The following SPIRE1 variants were observed in gnomAD, a reference collection of about 807,000 sequenced individuals.
The protein encoded by SPIRE1 is spire type actin nucleation factor 1, also known as protein spire homolog 1.
In SPIRE1, 40 loss-of-function variants were observed where a neutral mutation model predicts 94.1. The observed-to-expected ratio is 0.43, with a 90% CI of 0.33 to 0.55. The LOEUF (loss-of-function observed/expected upper bound fraction) is 0.55. Ranked by LOEUF, SPIRE1 falls within the 20% of genes least tolerant of loss-of-function variation. The pLI, the probability that SPIRE1 is intolerant of heterozygous loss-of-function variation, is 0.06. For missense variants in SPIRE1, 838 were observed against 975.2 expected, an observed-to-expected ratio of 0.86 and a Z score of 1.87; for synonymous variants, 376 against 371.7, an observed-to-expected ratio of 1.01 and a Z score of -0.13.
intron 2 of SPIRE1, among the ~76,000 whole-genome samples, chr18:12,582,277 G>A (rs886706541): frequency 2.6e-5 from 4 of 152,144 alleles, no homozygotes; most frequent in African/African-American, 2.4e-5. Flanking sequence ...TGAAAAGGCA[G>A]AGAGGCATGC....
chr18:12,657,713 G>A lies in SPIRE1; in HGVS notation c.154C>T (p.Pro52Ser), dbSNP rs1058321. The change falls in exon 1 of 17, where the codon CCC becomes TCC. Residue 52 changes from proline (P) to serine (S), a missense_variant. By Grantham distance (74) the Pro-to-Ser change is moderately conservative (BLOSUM62 -1). Around this residue, in one of 2 missense-constraint regions of SPIRE1, gnomAD observed 193 missense variants for 170.5 expected, o/e 1.13. Coordinates refer to ENST00000409402, the MANE Select transcript of SPIRE1 (RefSeq NM_001128626.2). ...GCCCACGCCTGCTCCTCGTTGATGGGCTGGTTGTACAGCCGCAGGATCTCC... is the reference window on the plus strand; with the variant it reads ...GCCCACGCCTGCTCCTCGTTGATGGACTGGTTGTACAGCCGCAGGATCTCC... ...LEEILRLYNQ[P>S]INEEQAWAVC... The A allele has an allele frequency of 2.1e-6, 3 of 1,406,198 alleles. No individual in the cohort carries two copies. The highest frequency in any genetic ancestry group is 2.5e-5 in the Admixed American group (1 of 39,244). The allele number at this position is 1,406,198 out of a possible 1,614,324, so 87.1% of individuals were successfully genotyped here.
At chr18:12,460,029 A>G in intron 12 of SPIRE1, 1 of 491,820 alleles carries the variant, frequency 2.0e-6, no homozygotes, top group Non-Finnish European at 2.6e-6. Flanking sequence ...ACAGATCACA[A>G]AAGGAAAACA....
intron 2 of SPIRE1, among the ~76,000 whole-genome samples, chr18:12,623,448 T>C (rs748626815): frequency 2.6e-5 from 4 of 152,008 alleles, no homozygotes; most frequent in Admixed American, 2.0e-4. Flanking sequence ...CCACTGCGCC[T>C]GGCCAACATC....
rs181845046 is a variant in SPIRE1, at chr18:12,641,917, C to T, written c.338-6821G>A. 3.4e-4 allele frequency among the ~76,000 whole-genome samples: 51 copies of T among 150,132 alleles called. No homozygotes were observed. The East Asian group carries it at 9.7e-3, about 28-fold the overall frequency. On this transcript the variant is annotated intron_variant, in intron 1 of 16. Transcript: ENST00000409402. Reference sequence around the variant, plus strand: ...CATGATCTTGGCTCACTACAGCCTCCGCCTCCCAGGTTCAAGCAATTCTCC... The same window carrying T: ...CATGATCTTGGCTCACTACAGCCTCTGCCTCCCAGGTTCAAGCAATTCTCC...
intron 10 of SPIRE1, among the ~76,000 whole-genome samples, chr18:12,476,563 AAATATAT>A (rs2032597095): frequency 3.1e-5 from 2 of 64,756 alleles, no homozygotes; most frequent in South Asian, 5.6e-4. Context: ...AAAAAAAAAA[AAATATAT>A]ATATATATAT....
chr18:12,480,813 T>TA (rs952111579), intron 9 of SPIRE1, among the ~76,000 whole-genome samples: 5 of 152,144 alleles, frequency 3.3e-5, no homozygotes, highest in African/African-American at 1.2e-4. Context: ...AATGAAGAGT[T>TA]AAAAATGGGC....
At chr18:12,471,373 C>A (rs896296253) in intron 10 of SPIRE1, among the ~76,000 whole-genome samples, 6 of 151,052 alleles carry the variant, frequency 4.0e-5, no homozygotes, top group Non-Finnish European at 5.9e-5. Context: ...TAAAAAAATA[C>A]TGGTTTCTTT....
At chr18:12,647,508 T>G (rs2038258108) in intron 1 of SPIRE1, among the ~76,000 whole-genome samples, 1 of 152,030 alleles carries the variant, frequency 6.6e-6, no homozygotes, top group Admixed American at 6.6e-5. Flanking sequence ...CCCACCACTG[T>G]GGGAAGCTGA....
rs76302695 is a variant in SPIRE1 at position 12,547,020 on chromosome 18, C to T, written c.373-116G>A. The T allele has an allele frequency of 2.6e-3, 1,650 of 625,284 alleles. 18 individuals are homozygous for T. The African/African-American group carries it at 0.027, about 10-fold the overall frequency. 38.7% of individuals were successfully genotyped at this position (625,284 alleles called of 1,614,324 possible). On this transcript the variant is annotated intron_variant, in intron 2 of 16. Coordinates refer to ENST00000409402, the MANE Select transcript of SPIRE1 (RefSeq NM_001128626.2). ...CCCTCAAACCAACATACAACACATA[C>T]ACAAACCCTTTTTATATTCTCTTAG... is the stretch of plus-strand genomic sequence containing the variant.
At chr18:12,460,541 C>T (rs188774533) in intron 12 of SPIRE1, among the ~76,000 whole-genome samples, 4 of 152,188 alleles carry the variant, frequency 2.6e-5, no homozygotes, top group East Asian at 1.9e-4. Context: ...GGAGAAACCC[C>T]GTCTCTCCTA....
rs9961389 is a variant in SPIRE1, at chr18:12,464,632, A to G, written c.1495+236T>C. On this transcript the variant is annotated intron_variant, in intron 11 of 16. Transcript: ENST00000409402. ...ACGCTACACACACAACTGATTTATA[A>G]TATTTCCCATGACTATTGTTCGTAA... is the stretch of plus-strand genomic sequence containing the variant. Among the ~76,000 whole-genome samples the G allele has an allele frequency of 2.5e-3, 388 of 152,318 alleles. 5 individuals carry two copies. Among genetic ancestry groups the G allele is most frequent in the African/African-American group, 9.0e-3 (375 of 41,568 alleles).
At chr18:12,567,123 G>C (rs1333028241) in intron 2 of SPIRE1, among the ~76,000 whole-genome samples, 1 of 152,080 alleles carries the variant, frequency 6.6e-6, no homozygotes, top group Admixed American at 6.6e-5. Context: ...TTATAGCAAG[G>C]TTGCAGGATA....
intron 2 of SPIRE1, among the ~76,000 whole-genome samples, chr18:12,569,289 T>C (rs936942279): frequency 2.1e-5 from 3 of 146,244 alleles, no homozygotes; most frequent in Admixed American, 1.4e-4. Flanking sequence ...TGCAGTGAGC[T>C]GAGATCACAC....
intron 4 of SPIRE1, among the ~76,000 whole-genome samples, chr18:12,519,806 G>A (rs969105211): frequency 1.3e-5 from 2 of 152,128 alleles, no homozygotes; most frequent in African/African-American, 4.8e-5. Flanking sequence ...CAAGATGTAG[G>A]AGAATAGATA....
At chr18:12,626,962 T>C (rs1433812693) in intron 2 of SPIRE1, among the ~76,000 whole-genome samples, 1 of 150,888 alleles carries the variant, frequency 6.6e-6, no homozygotes, top group Non-Finnish European at 1.5e-5. Flanking sequence ...ACTCTTTTGT[T>C]ATTTACATAA....
Position 12,652,085 on chromosome 18 carries a change from G to A in SPIRE1, c.337+5445C>T, listed in dbSNP as rs181253403. On this transcript the variant is annotated intron_variant, in intron 1 of 16. Transcript: ENST00000409402. ...TCAGACGGGTATTTAAGTCCTGAAA[G>A]ACTGTGAGACCACACATGATTCTAA... Among the ~76,000 whole-genome samples, 827 of 152,312 alleles carry A rather than the reference G, an allele frequency of 5.4e-3. 7 individuals carry two copies. Among genetic ancestry groups the A allele is most frequent in the African/African-American group, 0.019 (790 of 41,554 alleles).
chr18:12,512,614 A>T (rs1421543030), intron 4 of SPIRE1, 83 bp from the exon 5 acceptor site: 1 of 845,678 alleles, frequency 1.2e-6, no homozygotes, highest in Non-Finnish European at 1.9e-6. Flanking sequence ...TTCAGATAAG[A>T]CATATATTCA....
At chr18:12,533,966 CACAA>C (rs1466382619) in intron 4 of SPIRE1, among the ~76,000 whole-genome samples, 2 of 145,726 alleles carry the variant, frequency 1.4e-5, no homozygotes, top group Non-Finnish European at 3.1e-5. Flanking sequence ...CACACACACA[CACAA>C]CTTATTTATT....
At chr18:12,592,095 G>A (rs1307130174) in intron 2 of SPIRE1, among the ~76,000 whole-genome samples, 5 of 151,926 alleles carry the variant, frequency 3.3e-5, no homozygotes, top group African/African-American at 9.7e-5. Context: ...AATTTCAGAG[G>A]AGCAAATAAT....
Sources: allele counts gnomAD v4.1 joint callset (sites outside exome capture counted in the v4.1 genomes callset), GRCh38; gene constraint gnomAD v4.1.1; regional missense constraint gnomAD v4.1.1; transcripts MANE v1.5; gene names NCBI Gene and HGNC (gene_info 2026-07-23, HGNC 2026-07-21).